The following CD163L1 variants were observed in gnomAD, a reference collection of about 807,000 sequenced individuals.
CD163L1 encodes CD163 molecule like 1.
A neutral mutation model predicts 165.4 loss-of-function variants in CD163L1; 124 were observed. The observed-to-expected ratio is 0.75, with a 90% CI of 0.65 to 0.87. CD163L1 has a LOEUF of 0.87. Among genes scored for constraint, CD163L1 ranks in the 40% least tolerant of loss-of-function variants. The pLI, the probability that CD163L1 is intolerant of heterozygous loss-of-function variation, is 0.00. For synonymous variants in CD163L1, 585 were observed against 662.2 expected (o/e 0.88, Z 1.79); for missense variants, 1,525 against 1,799.9 (o/e 0.85, Z 2.76).
intron 4 of CD163L1, among the ~76,000 whole-genome samples, chr12:7,411,016 G>C (rs1948130092): frequency 1.3e-5 from 2 of 151,298 alleles, no homozygotes; most frequent in Admixed American, 6.6e-5. Flanking sequence ...ACTAAAGAGA[G>C]AAAAAAGAAA....
the CD163L1 span, among the ~76,000 whole-genome samples, chr12:7,338,736 T>C: frequency 4.6e-5 from 7 of 152,162 alleles, no homozygotes; most frequent in Non-Finnish European, 1.0e-4. Context: ...ATATGGCACA[T>C]ATGGGATGAG....
intron 4 of CD163L1, among the ~76,000 whole-genome samples, chr12:7,348,976 T>C (rs1946690144): frequency 6.6e-6 from 1 of 152,152 alleles, no homozygotes; most frequent in African/African-American, 2.4e-5. Context: ...CTCCCTCCTC[T>C]GAGACTTAAG....
At chr12:7,425,095 G>C (rs900411120) in intron 4 of CD163L1, among the ~76,000 whole-genome samples, 1 of 151,516 alleles carries the variant, frequency 6.6e-6, no homozygotes, top group African/African-American at 2.4e-5. Flanking sequence ...TACACTACAA[G>C]GTAGTAAACA....
At chr12:7,360,063 T>C (rs1946860058) in intron 18 of CD163L1, among the ~76,000 whole-genome samples, 2 of 152,156 alleles carry the variant, frequency 1.3e-5, no homozygotes, top group African/African-American at 2.4e-5. Context: ...TTGTGAAGTT[T>C]TCAGCCAATA....
chr12:7,390,099 G>A (rs1360543018), intron 8 of CD163L1, among the ~76,000 whole-genome samples: 3 of 151,514 alleles, frequency 2.0e-5, no homozygotes, highest in Non-Finnish European at 2.9e-5. Flanking sequence ...GGCATGGAAA[G>A]ACAAATATCA....
intron 8 of CD163L1, among the ~76,000 whole-genome samples, chr12:7,380,287 GTGT>G (rs1947357211): frequency 7.6e-6 from 1 of 131,534 alleles, no homozygotes; most frequent in African/African-American, 2.7e-5. Context: ...GTGTGTGTGT[GTGT>G]GTGTGTGTGT....
chr12:7,320,582 A>G, the CD163L1 span: 1 of 634,820 alleles, frequency 1.6e-6, no homozygotes. Flanking sequence ...AGTGACAAGT[A>G]ATAAATATTG....
intron 8 of CD163L1, among the ~76,000 whole-genome samples, chr12:7,393,918 A>G (rs1159907125): frequency 6.6e-6 from 1 of 152,206 alleles, no homozygotes; most frequent in Non-Finnish European, 1.5e-5. Flanking sequence ...ACGAAATAAA[A>G]GAGGACACAA....
intron 8 of CD163L1, among the ~76,000 whole-genome samples, chr12:7,386,317 C>T (rs750631207): frequency 6.6e-6 from 1 of 151,934 alleles, no homozygotes; most frequent in Admixed American, 6.6e-5. Context: ...TAGATTAAAT[C>T]AATAATGAAA....
chr12:7,442,204 T>G (rs1258115005), intron 1 of CD163L1, among the ~76,000 whole-genome samples: 1 of 152,208 alleles, frequency 6.6e-6, no homozygotes, highest in Non-Finnish European at 1.5e-5. Context: ...GTTAGAGAAC[T>G]ATCTTAAATA....
At chr12:7,337,425 C>T in the CD163L1 span, among the ~76,000 whole-genome samples, 12 of 152,252 alleles carry the variant, frequency 7.9e-5, no homozygotes, top group East Asian at 2.3e-3. Flanking sequence ...ATCCATCTGA[C>T]AAAGGGCCAA....
At chr12:7,418,635 G>C (rs1182471301) in intron 4 of CD163L1, among the ~76,000 whole-genome samples, 1 of 151,958 alleles carries the variant, frequency 6.6e-6, no homozygotes, top group East Asian at 1.9e-4. Context: ...AACAATTAGT[G>C]AGATTAACCA....
the CD163L1 span, among the ~76,000 whole-genome samples, chr12:7,332,948 G>A: frequency 6.6e-6 from 1 of 152,164 alleles, no homozygotes; most frequent in East Asian, 1.9e-4. Context: ...AACCTTAAAT[G>A]TAAATGGGCT....
At chr12:7,399,521 CTT>C in intron 6 of CD163L1, among the ~76,000 whole-genome samples, 1 of 13,444 alleles carries the variant, frequency 7.4e-5, no homozygotes, top group Non-Finnish European at 1.8e-4. Flanking sequence ...CCCTCCCTCT[CTT>C]TCTTTCTCTT....
At chr12:7,321,673 G>A in the CD163L1 span, among the ~76,000 whole-genome samples, 1 of 152,244 alleles carries the variant, frequency 6.6e-6, no homozygotes, top group Non-Finnish European at 1.5e-5. Context: ...GGGCCTCAGT[G>A]TATGAGAAGC....
chr12:7,366,066 A>G (rs1309035231), intron 18 of CD163L1, among the ~76,000 whole-genome samples: 1 of 152,144 alleles, frequency 6.6e-6, no homozygotes, highest in East Asian at 1.9e-4. Flanking sequence ...ACACATTTTT[A>G]GCCATAAAAA....
At chr12:7,383,341 G>A (rs1947451712) in intron 8 of CD163L1, among the ~76,000 whole-genome samples, 1 of 152,102 alleles carries the variant, frequency 6.6e-6, no homozygotes, top group African/African-American at 2.4e-5. Context: ...GCCCAGCACT[G>A]CTAGCACCAG....
At chr12:7,365,920 A>G (rs1244284032) in intron 18 of CD163L1, among the ~76,000 whole-genome samples, 1 of 152,182 alleles carries the variant, frequency 6.6e-6, no homozygotes, top group African/African-American at 2.4e-5. Flanking sequence ...GTATATATCC[A>G]AAAGAAAGAA....
rs1946677408 is a variant in CD163L1 at position 7,347,427 on chromosome 12, G to A, written c.*25-280C>T. Among the ~76,000 whole-genome samples, 1 of 152,070 alleles carries A rather than the reference G, an allele frequency of 6.6e-6. No individual in the cohort carries two copies. The highest frequency in any genetic ancestry group is 2.4e-5 in the African/African-American group (1 of 41,418). ...TAATAGTTTTCTTCATTGACAATGGGTGGTTACTTTCCTTATATCTTTATA... is the reference window on the plus strand; with the variant it reads ...TAATAGTTTTCTTCATTGACAATGGATGGTTACTTTCCTTATATCTTTATA... On this transcript the variant is annotated intron_variant, in intron 4 of 4. Transcript: ENST00000539726. The surrounding 1 kb of genome is among the most constrained non-coding windows in gnomAD (Gnocchi z 4.2).
Sources: allele counts gnomAD v4.1 joint callset (sites outside exome capture counted in the v4.1 genomes callset), GRCh38; gene constraint gnomAD v4.1.1; non-coding constraint Gnocchi (gnomAD v3.1); transcripts MANE v1.5; gene names NCBI Gene and HGNC (gene_info 2026-07-23, HGNC 2026-07-21).